NFXL1: variants seen among roughly 807,000 people sequenced by gnomAD.
The protein encoded by NFXL1 is NF-X1-type zinc finger protein NFXL1.
NFXL1 carries 66 observed loss-of-function variants against 123.3 expected under a neutral mutation model. The ratio of observed to expected loss-of-function variants is 0.54; its 90% CI spans 0.44 to 0.66. The LOEUF (loss-of-function observed/expected upper bound fraction) is 0.66, where lower values mean the gene tolerates loss of function less well. NFXL1 is among the 30% of genes least tolerant of loss of function. NFXL1 has a pLI of 0.00. For missense variants in NFXL1, 944 were observed against 1,125.6 expected, an observed-to-expected ratio of 0.84 and a Z score of 2.31; for synonymous variants, 346 against 360.8, an observed-to-expected ratio of 0.96 and a Z score of 0.46.
chr4:47,849,527 A>T (rs909400723), intron 22 of NFXL1, among the ~76,000 whole-genome samples: 1 of 152,216 alleles, frequency 6.6e-6, no homozygotes, highest in Non-Finnish European at 1.5e-5. Context: ...CTTGAAAAAG[A>T]TCTAATAATA....
chr4:47,891,383 A>G (rs965931496), intron 11 of NFXL1, among the ~76,000 whole-genome samples: 1 of 152,142 alleles, frequency 6.6e-6, no homozygotes, highest in Admixed American at 6.5e-5. Flanking sequence ...AAGTACTTGG[A>G]TTATAGACAT....
chr4:47,882,085 T>C (rs1736146341), intron 15 of NFXL1, among the ~76,000 whole-genome samples: 1 of 152,192 alleles, frequency 6.6e-6, no homozygotes, highest in South Asian at 2.1e-4. Flanking sequence ...AACTGTAAAT[T>C]GTATCACTAA....
rs1376626907 is a variant in NFXL1, at chr4:47,903,181, A to T, written c.647+12T>A. On this transcript the variant is annotated intron_variant, in intron 5 of 22. Coordinates refer to ENST00000507489, the MANE Select transcript of NFXL1 (RefSeq NM_001278624.2). ...AATAATAATAATAATCCAACTAATTAGAAAAAGTTACCAAGGCCAGGGACA... is the reference window on the plus strand; with the variant it reads ...AATAATAATAATAATCCAACTAATTTGAAAAAGTTACCAAGGCCAGGGACA... 1.9e-6 allele frequency: 3 copies of T among 1,557,928 alleles called. No individual in the cohort carries two copies. Among genetic ancestry groups the T allele is most frequent in the Non-Finnish European group, 2.6e-6 (3 of 1,154,558 alleles).
Position 47,855,042 on chromosome 4 carries a change from T to C in NFXL1, c.2421+17A>G. On this transcript the variant is annotated intron_variant, in intron 20 of 22. Transcript: ENST00000507489. The stretch of plus-strand genomic sequence containing the variant: ...AACTTATATAGAAAAGTATTTTCAA[T>C]AACTTAAAATATTTACCTTTTTTAT... 9.0e-7 allele frequency: 1 copy of C among 1,113,658 alleles called. No individual in the cohort carries two copies. The highest frequency in any genetic ancestry group is 1.3e-6 in the Non-Finnish European group (1 of 769,310). The allele number at this position is 1,113,658 out of a possible 1,614,324, so 69.0% of individuals were successfully genotyped here.
chr4:47,887,572 T>G (rs957716430), intron 12 of NFXL1, among the ~76,000 whole-genome samples: 38 of 152,306 alleles, frequency 2.5e-4, no homozygotes, highest in African/African-American at 8.9e-4. Context: ...AAGTTTTATT[T>G]TTATTTTACC....
chr4:47,848,369 C>G, intron 22 of NFXL1, 33 bp from the exon 23 acceptor site: 2 of 1,482,128 alleles, frequency 1.3e-6, no homozygotes, highest in Non-Finnish European at 1.8e-6. Flanking sequence ...TAATTAAATT[C>G]AATGCATACA....
Position 47,848,141 on chromosome 4 carries a change from C to T in NFXL1, c.*22G>A, listed in dbSNP as rs747344234. 2 of 1,490,860 alleles carry T rather than the reference C, an allele frequency of 1.3e-6. No homozygotes were observed. The highest frequency in any genetic ancestry group is 2.8e-5 in the African/African-American group (2 of 71,812). The allele number at this position is 1,490,860 out of a possible 1,614,324, so 92.4% of individuals were successfully genotyped here. A position where few individuals can be genotyped will look rare whatever the true frequency, so the allele number is the denominator to read the frequency against. On this transcript the variant is annotated 3_prime_UTR_variant, in exon 23 of 23. Transcript: ENST00000507489. ...ACTTATCTAAATCCAATCTGAGTTA[C>T]ATTAAAAGATCAAAACTTTTTTTAA... is the stretch of plus-strand genomic sequence containing the variant.
Position 47,898,028 on chromosome 4 carries a change from A to C in NFXL1, c.1143T>G (p.His381Gln), listed in dbSNP as rs1264088614. The change falls in exon 9 of 23, where the codon CAT becomes CAG. Residue 381 changes from histidine to glutamine, a missense_variant. His to Gln is a conservative substitution (Grantham distance 24). Around this residue, in one of 4 missense-constraint regions of NFXL1, gnomAD observed 296 missense variants for 395.1 expected, o/e 0.75. Coordinates refer to ENST00000507489, the MANE Select transcript of NFXL1 (RefSeq NM_001278624.2). ...GAGGACATTCTCCACAAGCACCAAC[A>C]TGGCAAACTTGCTCACATGTGTGAT... ...CGNHTCEQVC[H>Q]VGACGECPRS... 1 of 1,612,722 alleles carries C rather than the reference A, an allele frequency of 6.2e-7. No individual in the cohort carries two copies. The highest frequency in any genetic ancestry group is 1.3e-5 in the African/African-American group (1 of 74,852).
intron 21 of NFXL1, 120 bp downstream of exon 21, chr4:47,851,736 A>C: frequency 1.6e-6 from 1 of 631,434 alleles, no homozygotes; most frequent in Non-Finnish European, 2.7e-6. Context: ...CTATAAAACT[A>C]GGCTTTTATT....
At chr4:47,869,219 T>C (rs1220707034) in intron 18 of NFXL1, among the ~76,000 whole-genome samples, 1 of 152,124 alleles carries the variant, frequency 6.6e-6, no homozygotes, top group East Asian at 1.9e-4. Flanking sequence ...AGTAAGACTG[T>C]GTCTCAAAAC....
rs1304409092 is a variant in NFXL1 at position 47,880,662 on chromosome 4, T to C, written c.1917-1545A>G. On this transcript the variant is annotated intron_variant, in intron 15 of 22. Coordinates refer to ENST00000507489, the MANE Select transcript of NFXL1 (RefSeq NM_001278624.2). ...CTTCATGTCTCTATGACAATTTTCA[T>C]ATAATTCTTGCATTATTTCAAAGTT... Among the ~76,000 whole-genome samples the C allele has an allele frequency of 2.6e-5, 4 of 151,956 alleles. No homozygotes were observed. In the East Asian group the frequency reaches 5.8e-4, roughly 22 times the overall value.
At chr4:47,899,237 A>C in intron 6 of NFXL1, 117 bp from the exon 7 acceptor site, 1 of 1,290,896 alleles carries the variant, frequency 7.7e-7, no homozygotes, top group Non-Finnish European at 1.1e-6. Flanking sequence ...GACACTTTAC[A>C]AAAGGCAATA....
chr4:47,881,422 G>A (rs1736108220), intron 15 of NFXL1, among the ~76,000 whole-genome samples: 1 of 152,136 alleles, frequency 6.6e-6, no homozygotes, highest in Admixed American at 6.5e-5. Context: ...CTCACTCACT[G>A]TTGTGAGAAT....
intron 4 of NFXL1, among the ~76,000 whole-genome samples, chr4:47,903,645 A>C (rs1202272441): frequency 1.3e-5 from 2 of 152,076 alleles, no homozygotes; most frequent in African/African-American, 4.8e-5. Flanking sequence ...AATAACTGAA[A>C]TGTAACTTTA....
chr4:47,888,134 C>T (rs1432838565), intron 12 of NFXL1, among the ~76,000 whole-genome samples: 1 of 152,086 alleles, frequency 6.6e-6, no homozygotes, highest in Non-Finnish European at 1.5e-5. Flanking sequence ...ATTAGCTGGA[C>T]ATGGTGGCAT....
At chr4:47,893,132 C>T (rs1736874456) in intron 11 of NFXL1, among the ~76,000 whole-genome samples, 8 of 151,912 alleles carry the variant, frequency 5.3e-5, no homozygotes, top group Admixed American at 5.2e-4. Flanking sequence ...AGAAAATTAG[C>T]AATGTTGAAG....
chr4:47,858,784 T>C (rs1413574861), intron 19 of NFXL1, among the ~76,000 whole-genome samples: 1 of 152,208 alleles, frequency 6.6e-6, no homozygotes, highest in Admixed American at 6.5e-5. Context: ...AAACTTCTGG[T>C]ATGCCAGCAT....
intron 18 of NFXL1, among the ~76,000 whole-genome samples, chr4:47,863,158 C>T (rs1440648923): frequency 3.9e-5 from 6 of 152,084 alleles, no homozygotes; most frequent in African/African-American, 1.4e-4. Flanking sequence ...GCAAGAAGTA[C>T]AAAACACACA....
At chr4:47,887,670 T>C (rs781221140) in intron 12 of NFXL1, among the ~76,000 whole-genome samples, 5 of 152,188 alleles carry the variant, frequency 3.3e-5, no homozygotes, top group Admixed American at 2.0e-4. Context: ...TTTCTATACT[T>C]AACAATGACA....
Sources: allele counts gnomAD v4.1 joint callset (sites outside exome capture counted in the v4.1 genomes callset), GRCh38; gene constraint gnomAD v4.1.1; regional missense constraint gnomAD v4.1.1; transcripts MANE v1.5; gene names NCBI Gene and HGNC (gene_info 2026-07-23, HGNC 2026-07-21).